Variants in NTRK2 observed in about 807,000 individuals in gnomAD.
The protein encoded by NTRK2 is BDNF/NT-3 growth factors receptor.
In NTRK2, 13 loss-of-function variants were observed where a neutral mutation model predicts 94.5. The observed-to-expected ratio is 0.14, with a 90% CI of 0.09 to 0.22. The LOEUF is 0.22. NTRK2 is among the 10% of genes least tolerant of loss of function. NTRK2 has a pLI of 1.00. For synonymous variants in NTRK2, 372 were observed against 407.4 expected (o/e 0.91, Z 1.05); for missense variants, 639 against 1,071.2 (o/e 0.60, Z 5.63).
intron 2 of NTRK2, among the ~76,000 whole-genome samples, chr9:84,677,614 T>G (rs2059139899): frequency 6.6e-6 from 1 of 152,246 alleles, no homozygotes; most frequent in South Asian, 2.1e-4. Context: ...CTGGGCCCCT[T>G]GGTAAAGCAG....
intron 4 of NTRK2, among the ~76,000 whole-genome samples, chr9:84,704,225 CTT>C (rs773413015): frequency 9.1e-4 from 85 of 93,708 alleles, no homozygotes; most frequent in African/African-American, 3.3e-3. Flanking sequence ...TGGTGGTATT[CTT>C]TTTTTTTTTT....
At chr9:84,992,682 C>A (rs1365118303) in intron 17 of NTRK2, among the ~76,000 whole-genome samples, 1 of 152,092 alleles carries the variant, frequency 6.6e-6, no homozygotes, top group Non-Finnish European at 1.5e-5. Context: ...CTCATTGCTG[C>A]ATCAAAGTTA....
intron 14 of NTRK2, chr9:84,873,508 C>T (rs200048837): frequency 9.4e-7 from 1 of 1,059,180 alleles, no homozygotes; most frequent in Non-Finnish European, 1.1e-6. Flanking sequence ...CCACGGCCCC[C>T]CCATTGCTAG....
intron 15 of NTRK2, among the ~76,000 whole-genome samples, chr9:84,945,225 A>G (rs2078558046): frequency 6.6e-6 from 1 of 152,156 alleles, no homozygotes; most frequent in South Asian, 2.1e-4. Context: ...TTTCCAGATG[A>G]TCATTCACTG....
At chr9:84,941,706 G>A (rs55790649) in intron 15 of NTRK2, among the ~76,000 whole-genome samples, 7,400 of 152,218 alleles carry the variant, frequency 0.049, 283 homozygotes, top group African/African-American at 0.1. Flanking sequence ...TAAATATATT[G>A]CAGTTGTCCA....
chr9:84,878,645 A>G (rs1014387080), intron 14 of NTRK2, among the ~76,000 whole-genome samples: 77 of 152,092 alleles, frequency 5.1e-4, no homozygotes, highest in Non-Finnish European at 9.1e-4. Flanking sequence ...AAAAAAAAAA[A>G]AAAATTCTGA....
intron 17 of NTRK2, among the ~76,000 whole-genome samples, chr9:84,956,314 T>C (rs1050541906): frequency 6.6e-6 from 1 of 152,202 alleles, no homozygotes; most frequent in African/African-American, 2.4e-5. Flanking sequence ...CTGAAATCAC[T>C]GAGAGGCAGA....
chr9:84,853,556 T>G (rs771289279), intron 12 of NTRK2, among the ~76,000 whole-genome samples: 4 of 152,254 alleles, frequency 2.6e-5, no homozygotes, highest in Non-Finnish European at 5.9e-5. Context: ...GGCATTTTCA[T>G]TACATTTGCT....
intron 14 of NTRK2, among the ~76,000 whole-genome samples, chr9:84,878,239 A>C (rs963395482): frequency 6.6e-6 from 1 of 152,230 alleles, no homozygotes; most frequent in Non-Finnish European, 1.5e-5. Context: ...AAATATCAAA[A>C]TTTTAAATAA....
At chr9:84,931,716 C>CA (rs11395381) in intron 14 of NTRK2, among the ~76,000 whole-genome samples, 32,670 of 100,188 alleles carry the variant, frequency 0.33, 4,788 homozygotes, top group African/African-American at 0.49. Flanking sequence ...TAATAAAATG[C>CA]AAAAAAAAAA....
chr9:84,965,783 G>A (rs1825487155), intron 17 of NTRK2, among the ~76,000 whole-genome samples: 1 of 152,036 alleles, frequency 6.6e-6, no homozygotes, highest in African/African-American at 2.4e-5. Flanking sequence ...CAAAGTAGTG[G>A]GTCTTCAGGA....
At chr9:84,728,354 T>A (rs1164290691) in intron 9 of NTRK2, among the ~76,000 whole-genome samples, 1 of 152,096 alleles carries the variant, frequency 6.6e-6, no homozygotes, top group East Asian at 1.9e-4. Context: ...CCCAAGAAGG[T>A]GATGAGGAAA....
chr9:84,751,850 C>T, intron 11 of NTRK2, 136 bp from the exon 12 acceptor site: 1 of 725,376 alleles, frequency 1.4e-6, no homozygotes, highest in Non-Finnish European at 2.5e-6. Flanking sequence ...GTACATAAGG[C>T]TGTTATAAGA....
intron 12 of NTRK2, among the ~76,000 whole-genome samples, chr9:84,832,720 C>G (rs1427704637): frequency 6.6e-6 from 1 of 152,178 alleles, no homozygotes; most frequent in Non-Finnish European, 1.5e-5. Context: ...AGAGGACCTG[C>G]CTTCTCCTTC....
chr9:84,965,331 G>C (rs1216754426), intron 17 of NTRK2, among the ~76,000 whole-genome samples: 1 of 152,190 alleles, frequency 6.6e-6, no homozygotes, highest in Non-Finnish European at 1.5e-5. Context: ...TAAATACCAA[G>C]TAAGATGTAT....
At chr9:85,008,017 C>T (rs760646694) in intron 17 of NTRK2, among the ~76,000 whole-genome samples, 4 of 152,068 alleles carry the variant, frequency 2.6e-5, no homozygotes, top group Non-Finnish European at 4.4e-5. Context: ...AGGCAGGGAA[C>T]GGGAATGTCT....
chr9:84,783,388 TA>T, intron 12 of NTRK2, among the ~76,000 whole-genome samples: 1 of 152,234 alleles, frequency 6.6e-6, no homozygotes, highest in Non-Finnish European at 1.5e-5. Context: ...TGGCTCTGAA[TA>T]ATTCTCAGAC....
chr9:84,748,812 A>G (rs1252255200), intron 11 of NTRK2, among the ~76,000 whole-genome samples: 1 of 152,246 alleles, frequency 6.6e-6, no homozygotes, highest in Non-Finnish European at 1.5e-5. Flanking sequence ...CATTAGTTAG[A>G]AATAAAGATT....
At position 84,826,494 on chromosome 9, in the gene NTRK2, T is replaced by C. The variant is rs113316243; in HGVS notation, c.1397-34546T>C. On this transcript the variant is annotated intron_variant, in intron 12 of 18. Coordinates refer to ENST00000277120, the MANE Select transcript of NTRK2 (RefSeq NM_006180.6). ...CTGTCACAGGTTTCAGGGCTCAGGA[T>C]TGGACATATCTTTTTTTACAGGCCA... Among the ~76,000 whole-genome samples, 266 of 152,292 alleles carry C rather than the reference T, an allele frequency of 1.7e-3. 2 individuals are homozygous for C. The highest frequency in any genetic ancestry group is 6.1e-3 in the African/African-American group (255 of 41,572).
Sources: gnomAD v4.1 joint callset for allele counts (sites outside exome capture counted in the v4.1 genomes callset) on GRCh38, gnomAD v4.1.1 for gene constraint, MANE v1.5 for transcripts, NCBI Gene and HGNC (gene_info 2026-07-23, HGNC 2026-07-21) for gene names.